The following TBC1D4 variants were observed in gnomAD, a reference collection of about 807,000 sequenced individuals.
The protein encoded by TBC1D4 is TBC1 domain family member 4, also known as TBC (Tre-2, BUB2, CDC16) domain-containing protein.
Under a neutral mutation model 142.5 loss-of-function variants are expected in TBC1D4, and 121 were observed. The observed-to-expected ratio is 0.85, with a 90% confidence interval of 0.73 to 0.99. TBC1D4 has a LOEUF of 0.99. Among genes scored for constraint, TBC1D4 ranks in the 50% least tolerant of loss-of-function variants. The pLI is 0.00. For missense variants in TBC1D4, 1,475 were observed against 1,606.6 expected, an observed-to-expected ratio of 0.92 and a Z score of 1.40; for synonymous variants, 630 against 628.2, an observed-to-expected ratio of 1.00 and a Z score of -0.04.
At position 75,287,038 on chromosome 13, in the gene TBC1D4, G is replaced by GGA; in HGVS notation, c.3664-14_3664-13insTC. The GGA allele has an allele frequency of 1.2e-6, 2 of 1,604,248 alleles. No individual in the cohort carries two copies. The highest frequency in any genetic ancestry group is 1.7e-6 in the Non-Finnish European group (2 of 1,171,594). ...TAGTATGAGCTACCTGTTTGGGGGG[G>GGA]AAAAAATCCTCCAAATCAAATGATT... On this transcript the variant is annotated splice_polypyrimidine_tract_variant and intron_variant, in intron 20 of 20. Coordinates refer to ENST00000377636, the MANE Select transcript of TBC1D4 (RefSeq NM_014832.5).
intron 1 of TBC1D4, among the ~76,000 whole-genome samples, chr13:75,420,573 G>A (rs1370299613): frequency 1.3e-5 from 2 of 152,178 alleles, no homozygotes; most frequent in African/African-American, 2.4e-5. Flanking sequence ...TTCAAGCAAC[G>A]TGGAATGCAG....
chr13:75,312,960 C>G, intron 12 of TBC1D4, 62 bp from the exon 13 acceptor site: 1 of 1,584,100 alleles, frequency 6.3e-7, no homozygotes, highest in Non-Finnish European at 8.6e-7. Flanking sequence ...CACTTCACAA[C>G]CAACTGGTAG....
intron 1 of TBC1D4, among the ~76,000 whole-genome samples, chr13:75,373,007 A>G (rs1463999301): frequency 6.6e-6 from 1 of 152,222 alleles, no homozygotes; most frequent in African/African-American, 2.4e-5. Context: ...AATATTTAAT[A>G]GGTAGTTTTA....
chr13:75,394,203 C>T (rs185386721), intron 1 of TBC1D4, among the ~76,000 whole-genome samples: 1 of 152,276 alleles, frequency 6.6e-6, no homozygotes, highest in Admixed American at 6.5e-5. Context: ...AAAGAAAAGT[C>T]ATGACACTAG....
chr13:75,308,200 G>A (rs533960612), intron 14 of TBC1D4, among the ~76,000 whole-genome samples: 8 of 152,330 alleles, frequency 5.3e-5, no homozygotes, highest in Admixed American at 2.0e-4. Context: ...TATGTAGGCA[G>A]AGAAACAGAG....
chr13:75,315,094 G>T (rs1005812727), intron 12 of TBC1D4, among the ~76,000 whole-genome samples: 1 of 151,880 alleles, frequency 6.6e-6, no homozygotes, highest in Admixed American at 6.6e-5. Context: ...ATCACTTGAG[G>T]TCAAGAGTTT....
At chr13:75,361,933 T>A in intron 2 of TBC1D4, 93 bp downstream of exon 2, 1 of 1,397,838 alleles carries the variant, frequency 7.2e-7, no homozygotes, top group Non-Finnish European at 1.0e-6. Flanking sequence ...GATTATTCGT[T>A]ATATAGAGGT....
rs752461924 is a variant in TBC1D4 at position 75,310,111 on chromosome 13, G to A, written c.2424C>T (p.Leu808=). The A allele has an allele frequency of 3.1e-6, 5 of 1,613,988 alleles. No homozygotes were observed. Among genetic ancestry groups the A allele is most frequent in the Non-Finnish European group, 4.2e-6 (5 of 1,179,990 alleles). Residue 808 remains leucine (L), a synonymous_variant, in exon 14 of 21, where the codon CTC becomes CTT. Coordinates refer to ENST00000377636, the MANE Select transcript of TBC1D4 (RefSeq NM_014832.5). ...GCGGTTCCTCCTCCATGGTTGGAGA[G>A]AGGGGGGACAGTGGCAGCAGCTCGT... The part of the protein sequence containing the change: ...DRNELLPLSP[L]SPTMEEEPLV...
At chr13:75,471,619 T>C (rs1161594601) in intron 1 of TBC1D4, among the ~76,000 whole-genome samples, 2 of 151,790 alleles carry the variant, frequency 1.3e-5, no homozygotes, top group African/African-American at 4.8e-5. Context: ...ACAACTGTAA[T>C]CCCAGCTACA....
rs1874465416 is a variant in TBC1D4 at position 75,283,724 on chromosome 13, T to A, written c.*3068A>T. Among the ~76,000 whole-genome samples the A allele has an allele frequency of 6.6e-6, 1 of 152,198 alleles. No homozygotes were observed. Among genetic ancestry groups the A allele is most frequent in the Non-Finnish European group, 1.5e-5 (1 of 68,024 alleles). ...ATGCAAATCTGTCAATGTGGTTGCT[T>A]ATATTTTTCTTTCAAAAGTCTCCAT... On this transcript the variant is annotated 3_prime_UTR_variant, in exon 21 of 21. Transcript: ENST00000377636.
rs1448955877 is a variant in TBC1D4, at chr13:75,326,403, A to C, written c.1827T>G (p.Ser609=). The change falls in exon 10 of 21, where the codon TCT becomes TCG. Residue 609 remains serine (S), a synonymous_variant. Transcript: ENST00000377636. ...ASEKDYSPGD[S]PPGTPPASPP... The stretch of plus-strand genomic sequence containing the variant: ...GGGACGCTGGCGGTGTCCCTGGTGG[A>C]GAATCCCCTGGTGAGTAGTCCTGAA... 8.7e-6 allele frequency: 14 copies of C among 1,614,028 alleles called. No homozygotes were observed. The highest frequency in any genetic ancestry group is 1.1e-5 in the Non-Finnish European group (13 of 1,180,032).
intron 11 of TBC1D4, 73 bp downstream of exon 11, chr13:75,324,164 A>G: frequency 6.4e-7 from 1 of 1,569,460 alleles, no homozygotes. Flanking sequence ...AAATTAATCA[A>G]CCACTTTTTA....
At chr13:75,443,492 G>A (rs1273224824) in intron 1 of TBC1D4, among the ~76,000 whole-genome samples, 3 of 152,200 alleles carry the variant, frequency 2.0e-5, no homozygotes, top group Non-Finnish European at 4.4e-5. Flanking sequence ...GAGGGGCTGG[G>A]ATTCCCTAGC....
At chr13:75,473,419 T>G (rs1394407321) in intron 1 of TBC1D4, among the ~76,000 whole-genome samples, 1 of 152,254 alleles carries the variant, frequency 6.6e-6, no homozygotes, top group African/African-American at 2.4e-5. Flanking sequence ...CCAGAAGCAC[T>G]GTGTTTGACT....
intron 1 of TBC1D4, among the ~76,000 whole-genome samples, chr13:75,372,010 C>T (rs570657212): frequency 7.2e-5 from 11 of 151,878 alleles, no homozygotes; most frequent in East Asian, 1.9e-4. Context: ...TCTAAAATGG[C>T]GAAATTAGAA....
intron 1 of TBC1D4, among the ~76,000 whole-genome samples, chr13:75,430,270 T>A (rs966760960): frequency 8.5e-5 from 13 of 152,236 alleles, no homozygotes; most frequent in African/African-American, 3.1e-4. Context: ...AAGACATTCC[T>A]TTCTCACTGT....
chr13:75,403,334 C>T (rs898218254), intron 1 of TBC1D4, among the ~76,000 whole-genome samples: 4 of 152,158 alleles, frequency 2.6e-5, no homozygotes, highest in African/African-American at 9.7e-5. Context: ...AAATCACTTG[C>T]TAACAACTAG....
intron 1 of TBC1D4, among the ~76,000 whole-genome samples, chr13:75,410,070 T>A (rs1035565286): frequency 2.0e-5 from 3 of 152,304 alleles, no homozygotes; most frequent in South Asian, 2.1e-4. Context: ...ATAAACAAAA[T>A]AACAGCACTC....
chr13:75,323,444 C>A (rs1593726541), intron 11 of TBC1D4, among the ~76,000 whole-genome samples: 1 of 151,986 alleles, frequency 6.6e-6, no homozygotes, highest in South Asian at 2.1e-4. Context: ...GGCTGCAGCA[C>A]CCCACTAAGA....
Sources: gnomAD v4.1 joint callset for allele counts (sites outside exome capture counted in the v4.1 genomes callset) on GRCh38, gnomAD v4.1.1 for gene constraint, MANE v1.5 for transcripts, NCBI Gene and HGNC (gene_info 2026-07-23, HGNC 2026-07-21) for gene names.